Variants in PAK5 observed in about 807,000 individuals in gnomAD.
PAK5 encodes p21 (RAC1) activated kinase 5.
In PAK5, 16 loss-of-function variants were observed where a neutral mutation model predicts 65.9. The observed-to-expected ratio is 0.24, with a 90% confidence interval of 0.16 to 0.37. PAK5 has a LOEUF of 0.37. PAK5 is among the 10% of genes least tolerant of loss of function. The probability of loss-of-function intolerance (pLI) is 1.00; values close to 1 mark genes in which losing one functional copy is unlikely to be tolerated. For missense variants in PAK5, 785 were observed against 903.9 expected (o/e 0.87, Z 1.69); for synonymous variants, 371 against 354.9 (o/e 1.05, Z -0.51).
At chr20:9,629,340 C>A (rs1425745185) in intron 3 of PAK5, among the ~76,000 whole-genome samples, 2 of 152,154 alleles carry the variant, frequency 1.3e-5, no homozygotes, top group East Asian at 3.8e-4. Flanking sequence ...ACTGCTATAG[C>A]AAATACCTAA....
intron 3 of PAK5, among the ~76,000 whole-genome samples, chr20:9,633,079 A>G (rs2046942714): frequency 6.6e-6 from 1 of 152,208 alleles, no homozygotes; most frequent in South Asian, 2.1e-4. Flanking sequence ...AGGTTGCACA[A>G]CAAACCACCC....
rs547075863 is a variant in PAK5 at position 9,689,218 on chromosome 20, T to C, written c.-12+22068A>G. On this transcript the variant is annotated intron_variant, in intron 2 of 9. Coordinates refer to ENST00000353224, the MANE Select transcript of PAK5 (RefSeq NM_177990.4). ...TGCAAACTCCCCTCTGCAGAAACCG[T>C]GGGAGGTTCTGTCTGCCACTTCTCA... is the stretch of plus-strand genomic sequence containing the variant. Among the ~76,000 whole-genome samples the C allele has an allele frequency of 3.9e-5, 6 of 152,288 alleles. No individual in the cohort carries two copies. In the East Asian group the frequency reaches 9.7e-4, roughly 25 times the overall value.
At chr20:9,832,487 G>T (rs761866272) in intron 1 of PAK5, among the ~76,000 whole-genome samples, 22 of 152,166 alleles carry the variant, frequency 1.4e-4, no homozygotes, top group Non-Finnish European at 1.3e-4. Flanking sequence ...TGGCCAGGGT[G>T]GTCTCAAACT....
At chr20:9,785,814 A>G (rs1471810992) in intron 1 of PAK5, among the ~76,000 whole-genome samples, 2 of 152,168 alleles carry the variant, frequency 1.3e-5, no homozygotes, top group African/African-American at 4.8e-5. Flanking sequence ...ACAAACAAAT[A>G]ATTGTTAAAG....
At chr20:9,592,877 T>C (rs1259087924) in intron 3 of PAK5, among the ~76,000 whole-genome samples, 2 of 152,108 alleles carry the variant, frequency 1.3e-5, no homozygotes, top group African/African-American at 2.4e-5. Context: ...GATGTGGCTG[T>C]GGGTGGGTGG....
At chr20:9,639,322 A>T (rs1435144997) in intron 3 of PAK5, among the ~76,000 whole-genome samples, 2 of 152,188 alleles carry the variant, frequency 1.3e-5, no homozygotes, top group Non-Finnish European at 2.9e-5. Context: ...TCTGCCAGTG[A>T]TGTTAACTGA....
intron 1 of PAK5, among the ~76,000 whole-genome samples, chr20:9,766,386 A>T: frequency 1.7e-5 from 1 of 57,644 alleles, no homozygotes; most frequent in African/African-American, 8.9e-5. Context: ...CAGAATATAT[A>T]TGTATATATA....
In PAK5 at chr20:9,557,752, T is replaced by C. The variant is rs1341588587; in HGVS notation, c.1617-18A>G. The C allele has an allele frequency of 1.9e-6, 3 of 1,606,828 alleles. No individual in the cohort carries two copies. Among genetic ancestry groups the C allele is most frequent in the Non-Finnish European group, 2.6e-6 (3 of 1,174,644 alleles). ...CATTCATTCTGGAAAGGAAATAACATTTAAGGAACAAGACAGGTTTAAGAA... is the reference window on the plus strand; with the variant it reads ...CATTCATTCTGGAAAGGAAATAACACTTAAGGAACAAGACAGGTTTAAGAA... On this transcript the variant is annotated intron_variant, in intron 6 of 9. Coordinates refer to ENST00000353224, the MANE Select transcript of PAK5 (RefSeq NM_177990.4).
chr20:9,796,124 A>G (rs2049101827), intron 1 of PAK5, among the ~76,000 whole-genome samples: 1 of 152,142 alleles, frequency 6.6e-6, no homozygotes, highest in Non-Finnish European at 1.5e-5. Context: ...CTGGGAATTT[A>G]GACATTAACA....
chr20:9,546,853 G>A (rs1432634740), intron 7 of PAK5, among the ~76,000 whole-genome samples: 2 of 152,094 alleles, frequency 1.3e-5, no homozygotes, highest in African/African-American at 2.4e-5. Flanking sequence ...GAAATGAGAT[G>A]TATTTTAATA....
intron 2 of PAK5, among the ~76,000 whole-genome samples, chr20:9,679,787 C>G (rs531285749): frequency 4.7e-4 from 72 of 152,328 alleles, no homozygotes; most frequent in Non-Finnish European, 8.7e-4. Flanking sequence ...AAAATCCCAA[C>G]AGAACAAAGC....
intron 1 of PAK5, among the ~76,000 whole-genome samples, chr20:9,729,793 T>G (rs2048315780): frequency 6.6e-6 from 1 of 151,530 alleles, no homozygotes; most frequent in Non-Finnish European, 1.5e-5. Flanking sequence ...TTTTTTGTTT[T>G]TTTTACATAT....
chr20:9,618,918 T>C (rs1266532570), intron 3 of PAK5, among the ~76,000 whole-genome samples: 10 of 73,056 alleles, frequency 1.4e-4, no homozygotes, highest in Non-Finnish European at 2.7e-5. Context: ...TTCTTTCGTT[T>C]TTTTTTTTTT....
Position 9,647,352 on chromosome 20 carries a change from G to A in PAK5, c.-11-3013C>T, listed in dbSNP as rs113518672. ...ATTTGGCCATTTGTTGGCTGAGTCC[G>A]CTTGACAGTTCAAGAAATTTTAGCT... On this transcript the variant is annotated intron_variant, in intron 2 of 9. Transcript: ENST00000353224. 3.8e-3 allele frequency among the ~76,000 whole-genome samples: 578 copies of A among 152,294 alleles called. 2 individuals carry two copies. Among genetic ancestry groups the A allele is most frequent in the African/African-American group, 0.013 (540 of 41,550 alleles).
chr20:9,817,635 C>G lies in PAK5; in HGVS notation c.-162+21127G>C, dbSNP rs1185933540. On this transcript the variant is annotated intron_variant, in intron 1 of 9. Coordinates refer to ENST00000353224, the MANE Select transcript of PAK5 (RefSeq NM_177990.4). The stretch of plus-strand genomic sequence containing the variant: ...TTTTGGATGGAGTGATGACAACCCA[C>G]AGCAGCCCAAACAAGGTACCTAATA... Among the ~76,000 whole-genome samples the G allele has an allele frequency of 2.0e-5, 3 of 152,126 alleles. No homozygotes were observed. In the East Asian group the frequency reaches 5.8e-4, roughly 29 times the overall value.
At chr20:9,663,488 G>A (rs2047373656) in intron 2 of PAK5, among the ~76,000 whole-genome samples, 1 of 152,066 alleles carries the variant, frequency 6.6e-6, no homozygotes, top group Non-Finnish European at 1.5e-5. Context: ...ATGCCAAAAT[G>A]CATTTTCCTC....
chr20:9,725,782 AAC>A (rs2048269984), intron 1 of PAK5, among the ~76,000 whole-genome samples: 1 of 152,152 alleles, frequency 6.6e-6, no homozygotes, highest in East Asian at 1.9e-4. Flanking sequence ...AGAGTATTAA[AAC>A]TAGTCATTAT....
At chr20:9,794,574 A>G (rs996135549) in intron 1 of PAK5, among the ~76,000 whole-genome samples, 5 of 152,094 alleles carry the variant, frequency 3.3e-5, no homozygotes, top group African/African-American at 1.2e-4. Context: ...AGACATATGC[A>G]CTGTGATGTT....
intron 1 of PAK5, among the ~76,000 whole-genome samples, chr20:9,795,870 G>GA (rs2049098990): frequency 6.6e-6 from 1 of 151,938 alleles, no homozygotes; most frequent in African/African-American, 2.4e-5. Context: ...ATATACTTAA[G>GA]AAAAATGGTA....
Sources: allele counts gnomAD v4.1 joint callset (sites outside exome capture counted in the v4.1 genomes callset), GRCh38; gene constraint gnomAD v4.1.1; transcripts MANE v1.5; gene names NCBI Gene and HGNC (gene_info 2026-07-23, HGNC 2026-07-21).